VGLL4: variants seen among roughly 807,000 people sequenced by gnomAD.
VGLL4 encodes transcription cofactor vestigial-like protein 4.
A neutral mutation model predicts 21.0 loss-of-function variants in VGLL4; 7 were observed. The observed-to-expected ratio is 0.33, with a 90% CI of 0.19 to 0.63. The LOEUF (loss-of-function observed/expected upper bound fraction) is 0.63. VGLL4 is among the 20% of genes least tolerant of loss of function. VGLL4 has a pLI of 0.78. For synonymous variants in VGLL4, 222 were observed against 173.2 expected, an observed-to-expected ratio of 1.28 and a Z score of -2.21; for missense variants, 394 against 425.7, an observed-to-expected ratio of 0.93 and a Z score of 0.66.
chr3:11,670,940 G>C (rs908937294), intron 2 of VGLL4, among the ~76,000 whole-genome samples: 1 of 152,208 alleles, frequency 6.6e-6, no homozygotes, highest in Non-Finnish European at 1.5e-5. Flanking sequence ...GGGAGGCTGA[G>C]GCAGAAGAAT....
At chr3:11,620,750 G>A (rs1039722348) in intron 1 of VGLL4, among the ~76,000 whole-genome samples, 6 of 152,130 alleles carry the variant, frequency 3.9e-5, no homozygotes, top group Admixed American at 6.6e-5. Context: ...GGCTCCACCT[G>A]GAATTCCATC....
At chr3:11,657,321 C>A (rs1057441974) in intron 2 of VGLL4, among the ~76,000 whole-genome samples, 1 of 152,122 alleles carries the variant, frequency 6.6e-6, no homozygotes, top group East Asian at 1.9e-4. Context: ...ATAGAATACA[C>A]GACGGTAACT....
intron 2 of VGLL4, among the ~76,000 whole-genome samples, chr3:11,659,682 T>C (rs2076011613): frequency 1.3e-5 from 2 of 151,932 alleles, no homozygotes; most frequent in African/African-American, 2.4e-5. Context: ...AAAAGTGGCA[T>C]TGGCATGGGC....
chr3:11,584,861 GGT>G (rs1174333602), intron 2 of VGLL4, among the ~76,000 whole-genome samples: 14 of 150,256 alleles, frequency 9.3e-5, no homozygotes, highest in Non-Finnish European at 1.6e-4. Flanking sequence ...AGGCGCCCAT[GGT>G]GGGTCCATGT....
At chr3:11,663,308 A>G (rs1438583748) in intron 2 of VGLL4, among the ~76,000 whole-genome samples, 1 of 152,238 alleles carries the variant, frequency 6.6e-6, no homozygotes, top group Non-Finnish European at 1.5e-5. Flanking sequence ...CAAAGTTTGA[A>G]GTCCAGGATA....
intron 1 of VGLL4, among the ~76,000 whole-genome samples, chr3:11,642,862 C>T (rs2075722660): frequency 6.6e-6 from 1 of 152,184 alleles, no homozygotes; most frequent in South Asian, 2.1e-4. Context: ...CCCCGGGCTG[C>T]ACAGGAAGCG....
intron 1 of VGLL4, among the ~76,000 whole-genome samples, chr3:11,616,004 C>A (rs1442825409): frequency 6.6e-6 from 1 of 152,224 alleles, no homozygotes. Flanking sequence ...AGTCTTCGAA[C>A]GTGGCCACCC....
At chr3:11,639,854 C>A (rs867312861) in intron 1 of VGLL4, among the ~76,000 whole-genome samples, 3 of 151,412 alleles carry the variant, frequency 2.0e-5, no homozygotes, top group Admixed American at 2.0e-4. Flanking sequence ...CTAGTCTGGG[C>A]GACAGAGCAA....
chr3:11,668,414 C>T (rs947526961), intron 2 of VGLL4, among the ~76,000 whole-genome samples: 2 of 152,082 alleles, frequency 1.3e-5, no homozygotes, highest in African/African-American at 4.8e-5. Context: ...AAAGTGCAGC[C>T]ACCTACCAGC....
intron 2 of VGLL4, among the ~76,000 whole-genome samples, chr3:11,700,705 T>A (rs772036909): frequency 3.9e-5 from 6 of 152,108 alleles, no homozygotes; most frequent in African/African-American, 7.2e-5. Context: ...TCAGAAGACA[T>A]CCCCGACACA....
At chr3:11,615,485 C>T (rs377232242) in intron 1 of VGLL4, among the ~76,000 whole-genome samples, 186 of 152,296 alleles carry the variant, frequency 1.2e-3, no homozygotes, top group African/African-American at 4.2e-3. Context: ...TGCACCACAC[C>T]GGAAGGACCT....
intron 1 of VGLL4, among the ~76,000 whole-genome samples, chr3:11,715,810 C>T (rs2076911599): frequency 1.3e-5 from 2 of 152,142 alleles, no homozygotes; most frequent in South Asian, 2.1e-4. Context: ...TGTTTAAAGA[C>T]ACCTTATTTA....
At chr3:11,713,823 G>A (rs936139026) in intron 1 of VGLL4, among the ~76,000 whole-genome samples, 5 of 151,898 alleles carry the variant, frequency 3.3e-5, no homozygotes, top group Non-Finnish European at 5.9e-5. Context: ...AACAGAAAGT[G>A]AGACCCCCAT....
At chr3:11,604,630 G>A in intron 1 of VGLL4, 2 of 748,804 alleles carry the variant, frequency 2.7e-6, no homozygotes, top group Non-Finnish European at 3.2e-6. Flanking sequence ...TAAGACACTT[G>A]CATTGCAATC....
chr3:11,716,947 A>T (rs937628434), intron 1 of VGLL4, among the ~76,000 whole-genome samples: 1 of 152,068 alleles, frequency 6.6e-6, no homozygotes, highest in African/African-American at 2.4e-5. Flanking sequence ...CAGTTAACAT[A>T]CCTCGAAGAA....
chr3:11,632,514 GAAA>G (rs949493550), intron 1 of VGLL4, among the ~76,000 whole-genome samples: 3 of 151,934 alleles, frequency 2.0e-5, no homozygotes, highest in African/African-American at 7.3e-5. Flanking sequence ...ACAGATCAAG[GAAA>G]AAAATCCCAC....
In VGLL4 at chr3:11,653,743, G is replaced by A. The variant is rs2075914149; in HGVS notation, c.64+49228C>T. Among the ~76,000 whole-genome samples, 1 of 152,122 alleles carries A rather than the reference G, an allele frequency of 6.6e-6. No homozygotes were observed. The highest frequency in any genetic ancestry group is 2.1e-4 in the South Asian group (1 of 4,824). ...TACCCGTTTATACTCCTACCAGCAG[G>A]GTATGAGATTTCAAGTTGCTCCCCA... On this transcript the variant is annotated intron_variant, in intron 2 of 5. Coordinates refer to the VGLL4 transcript ENST00000273038. This position sits in a 1 kb window ranked among gnomAD's most constrained non-coding sequence, Gnocchi z 4.2.
At chr3:11,585,335 C>G (rs1477492696) in intron 2 of VGLL4, among the ~76,000 whole-genome samples, 1 of 151,568 alleles carries the variant, frequency 6.6e-6, no homozygotes, top group Admixed American at 6.6e-5. Flanking sequence ...ACTTAGGAGG[C>G]TGAGGCAGAA....
chr3:11,622,120 T>A (rs2075275787), intron 1 of VGLL4, among the ~76,000 whole-genome samples: 1 of 152,210 alleles, frequency 6.6e-6, no homozygotes, highest in Non-Finnish European at 1.5e-5. Flanking sequence ...ATTATTATAG[T>A]TACCTACAGC....
Sources: allele counts gnomAD v4.1 joint callset (sites outside exome capture counted in the v4.1 genomes callset), GRCh38; gene constraint gnomAD v4.1.1; non-coding constraint Gnocchi (gnomAD v3.1); transcripts MANE v1.5; gene names NCBI Gene and HGNC (gene_info 2026-07-23, HGNC 2026-07-21).